The following SLC7A14 variants were observed in gnomAD, a reference collection of about 807,000 sequenced individuals.
SLC7A14 encodes the protein solute carrier family 7 member 14.
A neutral mutation model predicts 60.2 loss-of-function variants in SLC7A14; 37 were observed. The ratio of observed to expected loss-of-function variants is 0.61; its 90% CI spans 0.47 to 0.81. The LOEUF is 0.81. Ranked by LOEUF, SLC7A14 falls within the 30% of genes least tolerant of loss-of-function variation. SLC7A14 has a pLI of 0.00. For synonymous variants in SLC7A14, 399 were observed against 395.8 expected, an observed-to-expected ratio of 1.01 and a Z score of -0.10; for missense variants, 886 against 982.7, an observed-to-expected ratio of 0.90 and a Z score of 1.32.
intron 1 of SLC7A14, among the ~76,000 whole-genome samples, chr3:170,576,322 G>A (rs1715089779): frequency 6.6e-6 from 1 of 152,206 alleles, no homozygotes; most frequent in African/African-American, 2.4e-5. Flanking sequence ...ATATTACAAT[G>A]TTTCTTCAAT....
At position 170,480,297 on chromosome 3, in the gene SLC7A14, C is replaced by T. The variant is rs545386645; in HGVS notation, c.1985G>A (p.Cys662Tyr). 9.8e-6 allele frequency: 15 copies of T among 1,529,480 alleles called. No homozygotes were observed. In the South Asian group the frequency reaches 1.3e-4, roughly 13 times the overall value. The allele number at this position is 1,529,480 out of a possible 1,614,324, so 94.7% of individuals were successfully genotyped here. Reference protein sequence around the residue: ...TITWIRFAVWCFVGLLIYFGY... With the variant: ...TITWIRFAVWYFVGLLIYFGY... ...CAAAGGAAGTTGCTTACCCACAAAG[C>T]ACCAGACCGCAAACCGGATCCATGT... Residue 662 changes from cysteine to tyrosine, a missense_variant, in exon 7 of 8, where the codon TGC becomes TAC. Coordinates refer to ENST00000231706, the MANE Select transcript of SLC7A14 (RefSeq NM_020949.3).
chr3:170,557,786 GC>G (rs1714528262), intron 1 of SLC7A14, among the ~76,000 whole-genome samples: 1 of 152,188 alleles, frequency 6.6e-6, no homozygotes, highest in Non-Finnish European at 1.5e-5. Flanking sequence ...CTTAGAAAAT[GC>G]AGGGTATATA....
At chr3:170,482,364 A>G (rs962184602) in intron 6 of SLC7A14, among the ~76,000 whole-genome samples, 1 of 152,186 alleles carries the variant, frequency 6.6e-6, no homozygotes, top group Admixed American at 6.5e-5. Flanking sequence ...CAACCTAATC[A>G]CAGCAGCTCT....
intron 4 of SLC7A14, chr3:170,496,428 GC>G: frequency 2.4e-6 from 3 of 1,276,158 alleles, no homozygotes; most frequent in Non-Finnish European, 2.3e-6. Flanking sequence ...TTCCCTGGAG[GC>G]CCCCATCGCA....
chr3:170,525,042 T>G (rs1040544299), intron 2 of SLC7A14, among the ~76,000 whole-genome samples: 3 of 152,256 alleles, frequency 2.0e-5, no homozygotes, highest in African/African-American at 7.2e-5. Context: ...AATGTAATGC[T>G]TTTCTTATGA....
At chr3:170,567,671 T>C (rs548124144) in intron 1 of SLC7A14, among the ~76,000 whole-genome samples, 160 of 151,720 alleles carry the variant, frequency 1.1e-3, no homozygotes, top group African/African-American at 3.7e-3. Context: ...CCAGCACCTG[T>C]TGTTTCCTGA....
intron 4 of SLC7A14, among the ~76,000 whole-genome samples, chr3:170,494,623 A>C (rs992289023): frequency 6.6e-6 from 1 of 152,250 alleles, no homozygotes; most frequent in Admixed American, 6.5e-5. Flanking sequence ...AGTGGGGCCT[A>C]AACTAGAGTG....
At chr3:170,572,050 G>T (rs1490816119) in intron 1 of SLC7A14, among the ~76,000 whole-genome samples, 1 of 119,574 alleles carries the variant, frequency 8.4e-6, no homozygotes, top group Non-Finnish European at 1.6e-5. Flanking sequence ...AATAGAGGGA[G>T]ACTCTGTCTC....
At chr3:170,576,254 G>A (rs373074427) in intron 1 of SLC7A14, among the ~76,000 whole-genome samples, 15 of 152,172 alleles carry the variant, frequency 9.9e-5, no homozygotes, top group Admixed American at 6.5e-4. Context: ...ACTTGAGGCA[G>A]GGATTATGTC....
At chr3:170,521,994 A>G (rs554383644) in intron 2 of SLC7A14, among the ~76,000 whole-genome samples, 2 of 152,348 alleles carry the variant, frequency 1.3e-5, no homozygotes, top group Admixed American at 1.3e-4. Context: ...CACATGGATG[A>G]CAAATAAACT....
chr3:170,563,640 C>T (rs999627470), intron 1 of SLC7A14, among the ~76,000 whole-genome samples: 6 of 151,952 alleles, frequency 3.9e-5, no homozygotes, highest in South Asian at 2.1e-4. Context: ...AGGCTAGTCT[C>T]GAACTCCTGA....
intron 2 of SLC7A14, 78 bp downstream of exon 2, chr3:170,526,555 C>A: frequency 6.5e-7 from 1 of 1,529,830 alleles, no homozygotes; most frequent in African/African-American, 1.4e-5. Flanking sequence ...CCACTAAATA[C>A]TCCGGAGAAA....
rs140112728 is a variant in SLC7A14 at position 170,492,296 on chromosome 3, A to G, written c.760-5928T>C. 2.2e-3 allele frequency among the ~76,000 whole-genome samples: 330 copies of G among 152,322 alleles called. 3 individuals are homozygous for G. The highest frequency in any genetic ancestry group is 7.4e-3 in the African/African-American group (308 of 41,570). On this transcript the variant is annotated intron_variant, in intron 4 of 7. Coordinates refer to ENST00000231706, the MANE Select transcript of SLC7A14 (RefSeq NM_020949.3). ...TATGTGTATTTCTGGGTTTATTGGT[A>G]TGTTATCCTAACTCTTTGCTTTAAT... is the stretch of plus-strand genomic sequence containing the variant.
intron 1 of SLC7A14, among the ~76,000 whole-genome samples, chr3:170,528,720 C>T (rs1420346679): frequency 6.6e-6 from 1 of 152,150 alleles, no homozygotes; most frequent in Non-Finnish European, 1.5e-5. Context: ...GGATAACACG[C>T]CAGAGATATT....
At position 170,480,711 on chromosome 3, in the gene SLC7A14, T is replaced by C. The variant is rs1381737255; in HGVS notation, c.1571A>G (p.Glu524Gly). 1 of 1,614,244 alleles carries C rather than the reference T, an allele frequency of 6.2e-7. No individual in the cohort carries two copies. Among genetic ancestry groups the C allele is most frequent in the Non-Finnish European group, 8.5e-7 (1 of 1,180,036 alleles). The change falls in exon 7 of 8, where the codon GAA (glutamate) becomes GGA (glycine). Residue 524 changes from glutamate to glycine, a missense_variant. Physicochemically the swap from Glu to Gly is moderately conservative, Grantham distance 98. Transcript: ENST00000231706. ...VDMTTGIEAD[E>G]SENIYLIKLK... ...CTTGATGAGATAAATATTTTCGGATTCATCAGCTTCTATGCCTGTGGTCAT... is the reference window on the plus strand; with the variant it reads ...CTTGATGAGATAAATATTTTCGGATCCATCAGCTTCTATGCCTGTGGTCAT...
At chr3:170,533,646 G>C (rs1179138938) in intron 1 of SLC7A14, among the ~76,000 whole-genome samples, 1 of 128,896 alleles carries the variant, frequency 7.8e-6, no homozygotes, top group Non-Finnish European at 1.6e-5. Context: ...GATCCATCTG[G>C]CCCAGTGTGT....
intron 2 of SLC7A14, among the ~76,000 whole-genome samples, chr3:170,525,040 G>A (rs1002756737): frequency 5.3e-5 from 8 of 152,172 alleles, no homozygotes; most frequent in African/African-American, 1.9e-4. Context: ...TTAATGTAAT[G>A]CTTTTCTTAT....
chr3:170,514,116 T>C (rs544966785), intron 2 of SLC7A14, among the ~76,000 whole-genome samples: 2 of 152,374 alleles, frequency 1.3e-5, no homozygotes, highest in African/African-American at 4.8e-5. Context: ...TGTCAGGAGC[T>C]TTTTGATTCC....
At chr3:170,469,724 G>A (rs2108263091) in intron 7 of SLC7A14, among the ~76,000 whole-genome samples, 1 of 152,192 alleles carries the variant, frequency 6.6e-6, no homozygotes, top group South Asian at 2.1e-4. Context: ...CCAGGCAGAT[G>A]CCAAATATTG....
Sources: allele counts gnomAD v4.1 joint callset (sites outside exome capture counted in the v4.1 genomes callset), GRCh38; gene constraint gnomAD v4.1.1; transcripts MANE v1.5; gene names NCBI Gene and HGNC (gene_info 2026-07-23, HGNC 2026-07-21).